The following FAT3 variants were observed in gnomAD, a reference collection of about 807,000 sequenced individuals.
FAT3 encodes FAT atypical cadherin 3.
Under a neutral mutation model 310.2 loss-of-function variants are expected in FAT3, and 95 were observed. The observed-to-expected ratio is 0.31, with a 90% CI of 0.26 to 0.36. The LOEUF is 0.36. Ranked by LOEUF, FAT3 falls within the 10% of genes least tolerant of loss-of-function variation. The pLI, the probability that FAT3 is intolerant of heterozygous loss-of-function variation, is 1.00. For missense variants in FAT3, 5,408 were observed against 5,715.6 expected (o/e 0.95, Z 1.74); for synonymous variants, 2,314 against 2,192.9 (o/e 1.06, Z -1.54).
Position 92,353,345 on chromosome 11 carries a change from A to G in FAT3, c.1233A>G (p.Leu411=). ...SPEPIDVEYK[L]SPGEDAVYFK... ...AACCGATAGATGTGGAATACAAATT[A>G]TCTCCTGGTGAGGATGCAGTGTACT... The change falls in exon 2 of 28, where the codon TTA becomes TTG. Residue 411 remains leucine (L), a synonymous_variant. Transcript: ENST00000525166. The G allele has an allele frequency of 6.2e-7, 1 of 1,613,636 alleles. No individual in the cohort carries two copies. The highest frequency in any genetic ancestry group is 8.5e-7 in the Non-Finnish European group (1 of 1,179,804).
Position 92,352,137 on chromosome 11 carries a change from G to C in FAT3, c.25G>C (p.Val9Leu), listed in dbSNP as rs916914990. The C allele has an allele frequency of 4.4e-6, 6 of 1,363,254 alleles. No homozygotes were observed. The highest frequency in any genetic ancestry group is 4.9e-6 in the Non-Finnish European group (5 of 1,019,884). The allele number at this position is 1,363,254 out of a possible 1,614,324, so 84.4% of individuals were successfully genotyped here. MDIIMGHCVGTRPPACCLI... is the reference protein window; with the variant it reads MDIIMGHCLGTRPPACCLI... ...GATGGATATAATTATGGGACACTGT[G>C]TGGGCACACGGCCTCCTGCTTGTTG... Residue 9 changes from valine (V) to leucine (L), a missense_variant, in exon 2 of 28, where the codon GTG (valine) becomes CTG (leucine). This residue lies in a region of FAT3 where 152 missense variants were observed against 188.3 expected (regional missense o/e 0.81). Transcript: ENST00000525166.
At chr11:92,838,001 A>T (rs1490338387) in intron 17 of FAT3, among the ~76,000 whole-genome samples, 195 bp downstream of exon 17, 1 of 152,126 alleles carries the variant, frequency 6.6e-6, no homozygotes, top group Admixed American at 6.5e-5. Context: ...TGAGGGGTGG[A>T]TTTTTTTCAA....
intron 1 of FAT3, among the ~76,000 whole-genome samples, chr11:92,279,036 C>T (rs1322588418): frequency 6.6e-6 from 1 of 152,042 alleles, no homozygotes; most frequent in Admixed American, 6.6e-5. Context: ...TAGGAAATGG[C>T]CATACCAAGT....
At chr11:92,683,437 T>C (rs1943543991) in intron 3 of FAT3, among the ~76,000 whole-genome samples, 1 of 152,092 alleles carries the variant, frequency 6.6e-6, no homozygotes, top group Non-Finnish European at 1.5e-5. Context: ...CCCATCAGAG[T>C]ATGGTAAAAG....
chr11:92,344,013 G>A (rs1269425209), intron 1 of FAT3, among the ~76,000 whole-genome samples: 1 of 152,148 alleles, frequency 6.6e-6, no homozygotes, highest in African/African-American at 2.4e-5. Context: ...TGATCAAATA[G>A]ATTTTTGAAA....
chr11:92,826,322 G>A (rs550806282), intron 13 of FAT3, among the ~76,000 whole-genome samples: 9 of 152,222 alleles, frequency 5.9e-5, no homozygotes, highest in East Asian at 1.9e-4. Context: ...TAATCACCAA[G>A]CCTGGGTCAT....
intron 3 of FAT3, among the ~76,000 whole-genome samples, chr11:92,664,811 T>G (rs1230711975): frequency 6.6e-6 from 1 of 152,218 alleles, no homozygotes; most frequent in East Asian, 1.9e-4. Flanking sequence ...GTTTACTTCT[T>G]TGCAATTTGA....
At chr11:92,583,600 A>G (rs898040644) in intron 3 of FAT3, among the ~76,000 whole-genome samples, 5 of 151,506 alleles carry the variant, frequency 3.3e-5, no homozygotes, top group African/African-American at 4.8e-5. Context: ...CTCTTTGCCA[A>G]TAGTTCTCTT....
At chr11:92,315,504 T>TAGAGAGAGAG (rs1947425487) in intron 1 of FAT3, among the ~76,000 whole-genome samples, 1 of 90,980 alleles carries the variant, frequency 1.1e-5, no homozygotes, top group Non-Finnish European at 2.2e-5. Flanking sequence ...TATATATATA[T>TAGAGAGAGAG]ATATATATAG....
Position 92,800,255 on chromosome 11 carries a change from CT to C in FAT3, c.7243del (p.Cys2415ValfsTer29), listed in dbSNP as rs764787963. The C allele has an allele frequency of 6.2e-7, 1 of 1,613,986 alleles. No homozygotes were observed. Among genetic ancestry groups the C allele is most frequent in the South Asian group, 1.1e-5 (1 of 91,076 alleles). The part of the protein sequence containing the change: ...ELAPRGHFVT[C>X]VQASDADSSD... ...TAGCCCCCCGGGGCCATTTTGTAAC[CT>C]GTGTACAAGCCTCTGATGCAGACAG... On this transcript the variant is annotated frameshift_variant, in exon 10 of 28. Coordinates refer to ENST00000525166, the MANE Select transcript of FAT3 (RefSeq NM_001367949.2). LOFTEE classifies it high-confidence loss of function.
At position 92,551,414 on chromosome 11, in the gene FAT3, T is replaced by TTGTTTTGTGTGTGTGTGTGTGTG. The variant is rs35238743; in HGVS notation, c.3607+26469_3607+26470insTTTGTGTGTGTGTGTGTGTGTGT. Among the ~76,000 whole-genome samples, 1,267 of 128,924 alleles carry TTGTTTTGTGTGTGTGTGTGTGTG rather than the reference T, an allele frequency of 9.8e-3. 11 individuals carry two copies. The highest frequency in any genetic ancestry group is 0.011 in the Non-Finnish European group (708 of 62,696). The allele number at this position is 128,924 out of a possible 152,430, so 84.6% of individuals were successfully genotyped here. A position where few individuals can be genotyped will look rare whatever the true frequency, so the allele number is the denominator to read the frequency against. ...ATCTTGGTCCCATGTTTTTTTTGTT[T>TTGTTTTGTGTGTGTGTGTGTGTG]TGTGTGTGTGTGTGTGTGTGTGTGT... On this transcript the variant is annotated intron_variant, in intron 3 of 27. Transcript: ENST00000525166.
chr11:92,768,843 G>A (rs1475794153), intron 6 of FAT3, among the ~76,000 whole-genome samples: 1 of 152,112 alleles, frequency 6.6e-6, no homozygotes, highest in Admixed American at 6.5e-5. Flanking sequence ...TGAGAATTTG[G>A]CTCCATTAAT....
intron 3 of FAT3, among the ~76,000 whole-genome samples, chr11:92,661,064 G>A (rs552375293): frequency 1.1e-3 from 165 of 152,292 alleles, no homozygotes; most frequent in African/African-American, 3.9e-3. Flanking sequence ...ATTTGATTAT[G>A]AAGTAACAAT....
chr11:92,238,082 G>C (rs907051148), intron 1 of FAT3, among the ~76,000 whole-genome samples: 3 of 152,116 alleles, frequency 2.0e-5, no homozygotes, highest in African/African-American at 7.2e-5. Context: ...GCAGGGTTGG[G>C]ATTTGAATCT....
At chr11:92,673,248 C>T (rs889797479) in intron 3 of FAT3, among the ~76,000 whole-genome samples, 1 of 152,156 alleles carries the variant, frequency 6.6e-6, no homozygotes, top group African/African-American at 2.4e-5. Context: ...GCAAAGAAGT[C>T]ATAAACTACA....
chr11:92,643,643 T>C (rs1273501596), intron 3 of FAT3, among the ~76,000 whole-genome samples: 4 of 152,198 alleles, frequency 2.6e-5, no homozygotes, highest in Admixed American at 6.5e-5. Context: ...CAAGGAGATA[T>C]ATACACTCAG....
intron 2 of FAT3, among the ~76,000 whole-genome samples, chr11:92,375,302 T>G (rs1391517439): frequency 4.6e-5 from 7 of 151,838 alleles, no homozygotes. Flanking sequence ...CTCAACTAAT[T>G]TATTTTTATT....
Position 92,799,029 on chromosome 11 carries a change from G to A in FAT3, c.6016G>A (p.Ala2006Thr), listed in dbSNP as rs969997596. 16 of 1,613,788 alleles carry A rather than the reference G, an allele frequency of 9.9e-6. No individual in the cohort carries two copies. The highest frequency in any genetic ancestry group is 5.3e-5 in the African/African-American group (4 of 74,936). Reference protein sequence around the residue: ...TNITKVAIVNAVGNRLNEPLK... With the variant: ...TNITKVAIVNTVGNRLNEPLK... Reference sequence around the variant, plus strand: ...CATAACCAAAGTTGCTATTGTCAATGCAGTTGGAAATCGCCTTAATGAGCC... The same window carrying A: ...CATAACCAAAGTTGCTATTGTCAATACAGTTGGAAATCGCCTTAATGAGCC... Residue 2006 changes from alanine (A) to threonine (T), a missense_variant, in exon 10 of 28, where the codon GCA becomes ACA. Transcript: ENST00000525166.
intron 4 of FAT3, among the ~76,000 whole-genome samples, chr11:92,709,422 C>T (rs1239661858): frequency 6.6e-6 from 1 of 152,130 alleles, no homozygotes; most frequent in Non-Finnish European, 1.5e-5. Flanking sequence ...TCAAACTCCG[C>T]CTCTCCTTTA....
Sources: gnomAD v4.1 joint callset for allele counts (sites outside exome capture counted in the v4.1 genomes callset) on GRCh38, gnomAD v4.1.1 for gene constraint, gnomAD v4.1.1 regional missense constraint, MANE v1.5 for transcripts, NCBI Gene and HGNC (gene_info 2026-07-23, HGNC 2026-07-21) for gene names.